ILDR2: variants seen among roughly 807,000 people sequenced by gnomAD.
ILDR2 encodes immunoglobulin like domain containing receptor 2.
Under a neutral mutation model 66.8 loss-of-function variants are expected in ILDR2, and 25 were observed. The ratio of observed to expected loss-of-function variants is 0.37; its 90% CI spans 0.27 to 0.52. ILDR2 has a LOEUF of 0.52. Among genes scored for constraint, ILDR2 ranks in the 20% least tolerant of loss-of-function variants. The probability of loss-of-function intolerance (pLI) is 0.88; values close to 1 mark genes in which losing one functional copy is unlikely to be tolerated. For synonymous variants in ILDR2, 367 were observed against 357.2 expected (o/e 1.03, Z -0.31); for missense variants, 827 against 876.8 (o/e 0.94, Z 0.72).
intron 3 of ILDR2, among the ~76,000 whole-genome samples, chr1:166,951,808 T>C (rs1431526345): frequency 6.6e-6 from 1 of 152,190 alleles, no homozygotes; most frequent in Non-Finnish European, 1.5e-5. Flanking sequence ...TATTAAAAGT[T>C]CATCAGAGGA....
At position 166,916,863 on chromosome 1, in the gene ILDR2, T is replaced by A. The variant is rs1011487657; in HGVS notation, c.*2492A>T. On this transcript the variant is annotated 3_prime_UTR_variant, in exon 10 of 10. Coordinates refer to ENST00000271417, the MANE Select transcript of ILDR2 (RefSeq NM_199351.3). ...TCTTTCCCATTGCTACCCTCAACCT[T>A]CACCAAAATCATACGTCCGTAGCTT... The A allele has an allele frequency of 6.6e-6, 1 of 152,170 alleles. No individual in the cohort carries two copies. The highest frequency in any genetic ancestry group is 2.4e-5 in the African/African-American group (1 of 41,434). The allele number at this position is 152,170 out of a possible 1,614,324, so 9.4% of individuals were successfully genotyped here.
Position 166,913,348 on chromosome 1 carries a change from G to T in ILDR2, c.*6007C>A, listed in dbSNP as rs1201032501. On this transcript the variant is annotated 3_prime_UTR_variant, in exon 10 of 10. Transcript: ENST00000271417. ...AAGGCACAAAGACAACTGACAGGTG[G>T]CCCTCACGAAGCCAACTTCTCACCC... is the stretch of plus-strand genomic sequence containing the variant. 6.6e-6 allele frequency: 1 copy of T among 152,022 alleles called. No individual in the cohort carries two copies. Among genetic ancestry groups the T allele is most frequent in the Non-Finnish European group, 1.5e-5 (1 of 67,992 alleles). The allele number at this position is 152,022 out of a possible 1,614,324, so 9.4% of individuals were successfully genotyped here. A position where few individuals can be genotyped will look rare whatever the true frequency, so the allele number is the denominator to read the frequency against.
intron 6 of ILDR2, among the ~76,000 whole-genome samples, chr1:166,930,171 C>T (rs756866919): frequency 8.5e-5 from 13 of 152,176 alleles, no homozygotes; most frequent in Non-Finnish European, 1.6e-4. Flanking sequence ...GCCACTTGGA[C>T]TAGAGCATAG....
At position 166,927,130 on chromosome 1, in the gene ILDR2, C is replaced by A. The variant is rs1263340200; in HGVS notation, c.931G>T (p.Val311Phe). Residue 311 changes from valine (V) to phenylalanine (F), a missense_variant, in exon 7 of 10, where the codon GTC becomes TTC. Transcript: ENST00000271417. ...QADKERDSMK[V>F]LYYVEKELAQ... ...AGCTCCTTCTCAACATAGTACAGGA[C>A]CTTCATGGAGTCTCTCTCTTTGTCA... 1 of 1,613,820 alleles carries A rather than the reference C, an allele frequency of 6.2e-7. No individual in the cohort carries two copies. The highest frequency in any genetic ancestry group is 1.1e-5 in the South Asian group (1 of 91,010).
intron 1 of ILDR2, 81 bp downstream of exon 1, chr1:166,975,142 G>GGGGGGGC: frequency 8.2e-7 from 1 of 1,222,966 alleles, no homozygotes; most frequent in Non-Finnish European, 1.2e-6. Context: ...GGAGGAAAAT[G>GGGGGGGC]GGGGGGCGGG....
chr1:166,916,574 A>C lies in ILDR2; in HGVS notation c.*2781T>G, dbSNP rs1395897426. 1 of 152,252 alleles carries C rather than the reference A, an allele frequency of 6.6e-6. No homozygotes were observed. The highest frequency in any genetic ancestry group is 1.5e-5 in the Non-Finnish European group (1 of 68,050). 9.4% of individuals were successfully genotyped at this position (152,252 alleles called of 1,614,324 possible). ...TTCAAAGGAGAAGAAACAAAAGGACACATAGAGGAAAGTCAGGGGTGCTGA... is the reference window on the plus strand; with the variant it reads ...TTCAAAGGAGAAGAAACAAAAGGACCCATAGAGGAAAGTCAGGGGTGCTGA... On this transcript the variant is annotated 3_prime_UTR_variant, in exon 10 of 10. Coordinates refer to ENST00000271417, the MANE Select transcript of ILDR2 (RefSeq NM_199351.3).
At chr1:166,919,882 G>C (rs1020786051) in intron 9 of ILDR2, among the ~76,000 whole-genome samples, 1 of 152,170 alleles carries the variant, frequency 6.6e-6, no homozygotes, top group African/African-American at 2.4e-5. Flanking sequence ...CGGAATGGTG[G>C]GGAGGCAGGG....
chr1:166,944,535 C>G (rs1661505279), intron 3 of ILDR2, among the ~76,000 whole-genome samples: 2 of 152,192 alleles, frequency 1.3e-5, no homozygotes, highest in Admixed American at 6.5e-5. Context: ...TCCCTGGAGA[C>G]CTAGTCCTTG....
rs1171306372 is a variant in ILDR2, at chr1:166,913,176, G to A, written c.*6179C>T. On this transcript the variant is annotated 3_prime_UTR_variant, in exon 10 of 10. Coordinates refer to ENST00000271417, the MANE Select transcript of ILDR2 (RefSeq NM_199351.3). ...TGTCAGATCATGATTAACCATAGTT[G>A]TGTTAATTATGAGTTCTTGGTAACA... is the stretch of plus-strand genomic sequence containing the variant. 6.6e-6 allele frequency: 1 copy of A among 152,128 alleles called. No individual in the cohort carries two copies. Among genetic ancestry groups the A allele is most frequent in the African/African-American group, 2.4e-5 (1 of 41,414 alleles). The allele number at this position is 152,128 out of a possible 1,614,324, so 9.4% of individuals were successfully genotyped here. A position where few individuals can be genotyped will look rare whatever the true frequency, so the allele number is the denominator to read the frequency against.
In ILDR2 at chr1:166,936,768, G is replaced by A. The variant is rs760236434; in HGVS notation, c.557-31C>T. 8.1e-6 allele frequency: 13 copies of A among 1,612,180 alleles called. No individual in the cohort carries two copies. The highest frequency in any genetic ancestry group is 6.7e-5 in the East Asian group (3 of 44,826). On this transcript the variant is annotated intron_variant, in intron 4 of 9. Transcript: ENST00000271417. This position sits in a 1 kb window ranked among gnomAD's most constrained non-coding sequence, Gnocchi z 5.0. ...AGGATGCACAAAGAAATCCACACTCGAGGCAGCCCACCTCCAGGGCAGGGT... is the reference window on the plus strand; with the variant it reads ...AGGATGCACAAAGAAATCCACACTCAAGGCAGCCCACCTCCAGGGCAGGGT...
Position 166,919,111 on chromosome 1 carries a change from G to C in ILDR2, c.*244C>G, listed in dbSNP as rs569204093. 1.9e-6 allele frequency: 1 copy of C among 524,064 alleles called. No individual in the cohort carries two copies. Among genetic ancestry groups the C allele is most frequent in the Non-Finnish European group, 3.4e-6 (1 of 293,048 alleles). The allele number at this position is 524,064 out of a possible 1,614,324, so 32.5% of individuals were successfully genotyped here. A position where few individuals can be genotyped will look rare whatever the true frequency, so the allele number is the denominator to read the frequency against. On this transcript the variant is annotated 3_prime_UTR_variant, in exon 10 of 10. Transcript: ENST00000271417. ...ATAAACGCTATAGTTGAGAAACTCT[G>C]TATGTAGGAATGTTCTCACACATTC...
chr1:166,958,374 T>C (rs972492996), intron 1 of ILDR2, among the ~76,000 whole-genome samples: 3 of 152,154 alleles, frequency 2.0e-5, no homozygotes, highest in African/African-American at 7.2e-5. Context: ...GGGTTTCCCC[T>C]GTGCTGTTCT....
chr1:166,964,915 C>T lies in ILDR2; in HGVS notation c.47-6814G>A, dbSNP rs1044807475. ...CATTTTTTTCAAAGCAAGTTCCTTT[C>T]CCCCACTAGTTGTAAGCTATTCCTG... On this transcript the variant is annotated intron_variant, in intron 1 of 9. Coordinates refer to ENST00000271417, the MANE Select transcript of ILDR2 (RefSeq NM_199351.3). Among the ~76,000 whole-genome samples the T allele has an allele frequency of 2.0e-5, 3 of 152,110 alleles. No individual in the cohort carries two copies. The South Asian group carries it at 6.2e-4, about 32-fold the overall frequency.
rs74847969 is a variant in ILDR2 at position 166,933,727 on chromosome 1, A to G, written c.880+1574T>C. Among the ~76,000 whole-genome samples, 306 of 152,328 alleles carry G rather than the reference A, an allele frequency of 2.0e-3. 1 individual carries two copies. Among genetic ancestry groups the G allele is most frequent in the Non-Finnish European group, 2.7e-3 (181 of 68,042 alleles). The stretch of plus-strand genomic sequence containing the variant: ...TTAGAAAAAAGACAAAGAGTATGAG[A>G]TAAGTTCCACTAATGTCTCTTTTGC... On this transcript the variant is annotated intron_variant, in intron 6 of 9. Transcript: ENST00000271417.
intron 2 of ILDR2, among the ~76,000 whole-genome samples, chr1:166,898,486 C>A (rs753878456): frequency 6.6e-6 from 1 of 152,172 alleles, no homozygotes; most frequent in Non-Finnish European, 1.5e-5. Context: ...CTGTGTCCAG[C>A]CAAAGGTCCA....
rs1292198075 is a variant in ILDR2, at chr1:166,917,511, G to A, written c.*1844C>T. 1 of 152,224 alleles carries A rather than the reference G, an allele frequency of 6.6e-6. No homozygotes were observed. The highest frequency in any genetic ancestry group is 2.4e-5 in the African/African-American group (1 of 41,458). 9.4% of individuals were successfully genotyped at this position (152,224 alleles called of 1,614,324 possible). On this transcript the variant is annotated 3_prime_UTR_variant, in exon 10 of 10. Transcript: ENST00000271417. ...ATAGACAGGGAAGAAACCACTGCTG[G>A]ATTAAGGGATAGCAAAGTCAAGCAT...
rs1370485458 is a variant in ILDR2 at position 166,936,312 on chromosome 1, A to C, written c.703+279T>G. On this transcript the variant is annotated intron_variant, in intron 5 of 9. Coordinates refer to ENST00000271417, the MANE Select transcript of ILDR2 (RefSeq NM_199351.3). The surrounding 1 kb of genome is among the most constrained non-coding windows in gnomAD (Gnocchi z 5.0). ...CTTACACCACAACCTCACCACGCCAAACCTGCCCTTCCATTTTATCAATAG... is the reference window on the plus strand; with the variant it reads ...CTTACACCACAACCTCACCACGCCACACCTGCCCTTCCATTTTATCAATAG... Among the ~76,000 whole-genome samples, 1 of 152,206 alleles carries C rather than the reference A, an allele frequency of 6.6e-6. No individual in the cohort carries two copies. Among genetic ancestry groups the C allele is most frequent in the Non-Finnish European group, 1.5e-5 (1 of 68,034 alleles).
Position 166,915,820 on chromosome 1 carries a change from C to T in ILDR2, c.*3535G>A, listed in dbSNP as rs1444570650. 2.6e-5 allele frequency: 4 copies of T among 152,156 alleles called. No individual in the cohort carries two copies. The highest frequency in any genetic ancestry group is 4.4e-5 in the Non-Finnish European group (3 of 68,068). The allele number at this position is 152,156 out of a possible 1,614,324, so 9.4% of individuals were successfully genotyped here. A position where few individuals can be genotyped will look rare whatever the true frequency, so the allele number is the denominator to read the frequency against. The stretch of plus-strand genomic sequence containing the variant: ...CAGCCTTTTCTCATCTCCAGTATGC[C>T]TAATCCTATGTCAAGTGCACAGTGA... On this transcript the variant is annotated 3_prime_UTR_variant, in exon 10 of 10. Transcript: ENST00000271417.
chr1:166,921,280 G>A lies in ILDR2; in HGVS notation c.1311C>T (p.Tyr437=), dbSNP rs199906535. The A allele has an allele frequency of 2.6e-5, 41 of 1,599,988 alleles. 1 individual carries two copies. The African/African-American group carries it at 3.7e-4, about 15-fold the overall frequency. Reference sequence around the variant, plus strand: ...CGTCTGCCCGGCGGGGCCGCTGGCCGTAGGAGTCAGCGAAGGCCGCCAGCT... The same window carrying A: ...CGTCTGCCCGGCGGGGCCGCTGGCCATAGGAGTCAGCGAAGGCCGCCAGCT... ...MDELAAFADS[Y]GQRPRRADGN... The change falls in exon 9 of 10, where the codon TAC becomes TAT. Residue 437 remains tyrosine, a synonymous_variant. Coordinates refer to ENST00000271417, the MANE Select transcript of ILDR2 (RefSeq NM_199351.3). This position sits in a 1 kb window ranked among gnomAD's most constrained non-coding sequence, Gnocchi z 5.3.
Sources: gnomAD v4.1 joint callset for allele counts (sites outside exome capture counted in the v4.1 genomes callset) on GRCh38, gnomAD v4.1.1 for gene constraint, Gnocchi (gnomAD v3.1) non-coding constraint, MANE v1.5 for transcripts, NCBI Gene and HGNC (gene_info 2026-07-23, HGNC 2026-07-21) for gene names.